MAP7D2: variants seen among roughly 807,000 people sequenced by gnomAD.
MAP7D2 encodes the protein MAP7 domain-containing protein 2.
Under a neutral mutation model 63.5 loss-of-function variants are expected in MAP7D2, and 33 were observed. That is an observed-to-expected ratio of 0.52 (90% CI 0.39 to 0.70). The LOEUF is 0.70. Ranked by LOEUF, MAP7D2 falls within the 30% of genes least tolerant of loss-of-function variation. The pLI, the probability that MAP7D2 is intolerant of heterozygous loss-of-function variation, is 0.00. For synonymous variants in MAP7D2, 224 were observed against 223.7 expected (o/e 1.00, Z -0.01); for missense variants, 626 against 604.0 (o/e 1.04, Z -0.38).
chrX:20,049,359 C>A (rs1360132274), intron 6 of MAP7D2, among the ~76,000 whole-genome samples: 1 of 106,680 alleles, frequency 9.4e-6, no homozygotes, highest in African/African-American at 3.4e-5. Context: ...ACAGTCTCCA[C>A]CTCCTGGGCT....
intron 10 of MAP7D2, among the ~76,000 whole-genome samples, chrX:20,022,599 G>A (rs1299149107): frequency 9.0e-6 from 1 of 111,153 alleles, no homozygotes; most frequent in African/African-American, 3.3e-5. Flanking sequence ...GACAGCTGAT[G>A]AAGACTGGAC....
Position 20,010,866 on chromosome X carries a change from G to A in MAP7D2, c.2259C>T (p.Asn753=), listed in dbSNP as rs753277935. 8.3e-7 allele frequency: 1 copy of A among 1,210,437 alleles called. No homozygotes were observed. The highest frequency in any genetic ancestry group is 1.1e-6 in the Non-Finnish European group (1 of 894,849). The change falls in exon 16 of 17, where the codon AAC becomes AAT. Residue 753 remains asparagine, a synonymous_variant. Coordinates refer to ENST00000379643, the MANE Select transcript of MAP7D2 (RefSeq NM_001168465.2). ...TGTTAAATCCTTCGATAAGGTTTTT[G>A]TTACAGTCGTCCAGGCTGAGATTTT... ...SSENLSLDDC[N]KNLIEGFNSP... is the part of the protein sequence containing the mutation.
At chrX:20,061,389 C>A (rs1281128791) in intron 3 of MAP7D2, among the ~76,000 whole-genome samples, 2 of 111,915 alleles carry the variant, frequency 1.8e-5, no homozygotes, top group Non-Finnish European at 3.8e-5. Context: ...TGTGGCAAGT[C>A]CCTAAGCTAC....
intron 7 of MAP7D2, among the ~76,000 whole-genome samples, chrX:20,043,276 T>C (rs1305341014): frequency 8.9e-6 from 1 of 112,316 alleles, no homozygotes; most frequent in Non-Finnish European, 1.9e-5. Flanking sequence ...CCACAACAGA[T>C]TTGAAAAGAA....
chrX:20,061,257 T>C (rs2065218783), intron 3 of MAP7D2, among the ~76,000 whole-genome samples: 1 of 110,594 alleles, frequency 9.0e-6, no homozygotes, highest in Non-Finnish European at 1.9e-5. Flanking sequence ...AGGGTTTCCT[T>C]TGAAGAGGGG....
intron 15 of MAP7D2, among the ~76,000 whole-genome samples, chrX:20,012,146 T>C (rs1229654781): frequency 1.8e-5 from 2 of 111,205 alleles, no homozygotes; most frequent in African/African-American, 6.5e-5. Flanking sequence ...ACAAATCACA[T>C]GCCCTAGAAA....
At chrX:20,057,924 T>C (rs2065106651) in intron 3 of MAP7D2, among the ~76,000 whole-genome samples, 1 of 112,606 alleles carries the variant, frequency 8.9e-6, no homozygotes, top group Non-Finnish European at 1.9e-5. Flanking sequence ...TCTGGATTTA[T>C]CCCTTCTGTC....
chrX:20,049,650 A>G (rs942951123), intron 6 of MAP7D2, among the ~76,000 whole-genome samples: 6 of 111,907 alleles, frequency 5.4e-5, no homozygotes, highest in Middle Eastern at 4.6e-3. Context: ...GCTATTGTGA[A>G]TAAGTTTTTG....
chrX:20,084,278 T>C (rs1175704794), intron 1 of MAP7D2, among the ~76,000 whole-genome samples: 1 of 109,900 alleles, frequency 9.1e-6, no homozygotes, highest in Non-Finnish European at 1.9e-5. Context: ...TAAGCTACAC[T>C]GCATGTGACG....
In MAP7D2 at chrX:20,027,985, ACAGTCAGACCAGGTCCTTACC is replaced by A. The variant is rs1424912370; in HGVS notation, c.1008-2054_1008-2034del. 5.4e-5 allele frequency among the ~76,000 whole-genome samples: 6 copies of A among 110,730 alleles called. No individual in the cohort carries two copies. In the East Asian group the frequency reaches 1.7e-3, roughly 32 times the overall value. ...ACGTTGAGTCCTCATGTGTTCTGAC[ACAGTCAGACCAGGTCCTTACC>A]CTGGCCATTTGGAGCTCAGACCTCC... is the stretch of plus-strand genomic sequence containing the variant. On this transcript the variant is annotated intron_variant, in intron 8 of 16. Transcript: ENST00000379643.
intron 8 of MAP7D2, among the ~76,000 whole-genome samples, chrX:20,035,012 G>A (rs992958933): frequency 1.8e-5 from 2 of 111,419 alleles, no homozygotes; most frequent in African/African-American, 6.5e-5. Flanking sequence ...ACCTTATCCA[G>A]CTACTCCCTT....
chrX:20,053,097 C>T, intron 4 of MAP7D2, 109 bp from the exon 5 acceptor site: 1 of 524,440 alleles, frequency 1.9e-6, no homozygotes, highest in Non-Finnish European at 3.3e-6. Context: ...CTCCTAAATG[C>T]TGTGGCACAG....
At chrX:20,113,533 C>G (rs1165548959) in intron 1 of MAP7D2, among the ~76,000 whole-genome samples, 1 of 112,412 alleles carries the variant, frequency 8.9e-6, no homozygotes, top group African/African-American at 3.2e-5. Flanking sequence ...CGTGAGCCAC[C>G]ACGCCCAGCG....
intron 6 of MAP7D2, 21 bp from the exon 7 acceptor site, chrX:20,044,545 A>C: frequency 8.4e-7 from 1 of 1,193,999 alleles, no homozygotes; most frequent in South Asian, 1.8e-5. Flanking sequence ...ACAGTATAAC[A>C]GCCAGAAGGA....
In MAP7D2 at chrX:20,042,611, C is replaced by T; in HGVS notation, c.898G>A (p.Gly300Arg). Residue 300 changes from glycine to arginine, a missense_variant, in exon 8 of 17, where the codon GGG becomes AGG. Transcript: ENST00000379643. The stretch of plus-strand genomic sequence containing the variant: ...GGAAGAGAAGTTGCTGTTCGTTGCC[C>T]CCGCTTCACCTTCTCCACCTGTAGG... ...EASLVEKVKR[G>R]QRTATSLPVV... 2 of 1,211,423 alleles carry T rather than the reference C, an allele frequency of 1.7e-6. No homozygotes were observed. The highest frequency in any genetic ancestry group is 2.2e-6 in the Non-Finnish European group (2 of 895,384).
chrX:20,109,360 A>C (rs1050377344), intron 1 of MAP7D2, among the ~76,000 whole-genome samples: 5 of 108,373 alleles, frequency 4.6e-5, no homozygotes, highest in African/African-American at 1.7e-4. Context: ...TCTTTACTAA[A>C]AGTACAAAAA....
chrX:20,115,749 T>C (rs912373486), intron 1 of MAP7D2, among the ~76,000 whole-genome samples: 1 of 111,866 alleles, frequency 8.9e-6, no homozygotes, highest in Admixed American at 9.5e-5. Flanking sequence ...TCTTTCCTTT[T>C]CTTGGCCCAT....
At chrX:20,019,409 T>C (rs2073550187) in intron 10 of MAP7D2, among the ~76,000 whole-genome samples, 1 of 111,646 alleles carries the variant, frequency 9.0e-6, no homozygotes. Context: ...ATGTACAAAG[T>C]ACCAGAAAAC....
At chrX:20,107,179 G>A (rs964881399) in intron 1 of MAP7D2, among the ~76,000 whole-genome samples, 4 of 110,976 alleles carry the variant, frequency 3.6e-5, no homozygotes, top group Non-Finnish European at 7.5e-5. Flanking sequence ...GAGGGACCTG[G>A]TTTCACACAG....
Sources: gnomAD v4.1 joint callset for allele counts (sites outside exome capture counted in the v4.1 genomes callset) on GRCh38, gnomAD v4.1.1 for gene constraint, MANE v1.5 for transcripts, NCBI Gene and HGNC (gene_info 2026-07-23, HGNC 2026-07-21) for gene names.